The following MINDY2 variants were observed in gnomAD, a reference collection of about 807,000 sequenced individuals.
MINDY2 encodes MINDY lysine 48 deubiquitinase 2.
MINDY2 carries 52 observed loss-of-function variants against 68.2 expected under a neutral mutation model. The ratio of observed to expected loss-of-function variants is 0.76; its 90% confidence interval spans 0.61 to 0.96. The LOEUF (loss-of-function observed/expected upper bound fraction) is 0.96, where lower values mean the gene tolerates loss of function less well. MINDY2 is among the 40% of genes least tolerant of loss of function. MINDY2 has a pLI of 0.00. For missense variants in MINDY2, 881 were observed against 773.4 expected (o/e 1.14, Z -1.65); for synonymous variants, 372 against 303.0 (o/e 1.23, Z -2.36).
At chr15:58,824,565 C>T (rs1343959044) in intron 5 of MINDY2, among the ~76,000 whole-genome samples, 3 of 151,994 alleles carry the variant, frequency 2.0e-5, no homozygotes, top group African/African-American at 7.2e-5. Flanking sequence ...AATTACTTAA[C>T]TCCAATGGTT....
chr15:58,808,074 T>C (rs1420251001), intron 3 of MINDY2, among the ~76,000 whole-genome samples: 1 of 151,874 alleles, frequency 6.6e-6, no homozygotes, highest in African/African-American at 2.4e-5. Flanking sequence ...TCCTTTTCAG[T>C]GCATTCACTG....
intron 6 of MINDY2, among the ~76,000 whole-genome samples, chr15:58,846,946 A>G (rs1300832274): frequency 6.6e-6 from 1 of 152,046 alleles, no homozygotes; most frequent in Non-Finnish European, 1.5e-5. Flanking sequence ...ACATGGTATC[A>G]TTTTTTGTGA....
Position 58,771,768 on chromosome 15 carries a change from A to G in MINDY2, c.373A>G (p.Thr125Ala), listed in dbSNP as rs1900424281. The G allele has an allele frequency of 6.2e-7, 1 of 1,610,574 alleles. No individual in the cohort carries two copies. The highest frequency in any genetic ancestry group is 1.1e-5 in the South Asian group (1 of 90,966). ...GGCCGGAGTGGGTCATGAGTTGGGTACCGCCGGAGACGCGGGAGCCCGCCC... is the reference window on the plus strand; with the variant it reads ...GGCCGGAGTGGGTCATGAGTTGGGTGCCGCCGGAGACGCGGGAGCCCGCCC... ...AVAGVGHELG[T>A]AGDAGARPDL... The change falls in exon 1 of 9, where the codon ACC becomes GCC. Residue 125 changes from threonine to alanine, a missense_variant. Thr to Ala is a moderately conservative substitution (Grantham distance 58, BLOSUM62 0). Coordinates refer to ENST00000559228, the MANE Select transcript of MINDY2 (RefSeq NM_001040450.3).
chr15:58,802,454 C>T, intron 3 of MINDY2, 77 bp downstream of exon 3: 1 of 921,764 alleles, frequency 1.1e-6, no homozygotes, highest in South Asian at 1.7e-5. Flanking sequence ...TAGCTGGCAG[C>T]ATTTTTCTAT....
At chr15:58,780,041 G>GT in intron 1 of MINDY2, among the ~76,000 whole-genome samples, 1 of 152,108 alleles carries the variant, frequency 6.6e-6, no homozygotes, top group Non-Finnish European at 1.5e-5. Flanking sequence ...CATTGTATGT[G>GT]TTTTCTCTTT....
chr15:58,853,719 C>G (rs989642777), intron 8 of MINDY2, among the ~76,000 whole-genome samples: 40 of 149,120 alleles, frequency 2.7e-4, no homozygotes, highest in South Asian at 2.1e-3. Context: ...ACTCGGGAGA[C>G]TTGAGGCAGG....
intron 1 of MINDY2, among the ~76,000 whole-genome samples, chr15:58,778,604 A>T (rs1344367739): frequency 2.0e-5 from 3 of 150,538 alleles, no homozygotes; most frequent in Admixed American, 2.0e-4. Flanking sequence ...TGTTTGCCAG[A>T]TTATATGTCT....
intron 4 of MINDY2, among the ~76,000 whole-genome samples, chr15:58,814,140 A>G (rs1567057722): frequency 6.6e-6 from 1 of 151,868 alleles, no homozygotes; most frequent in South Asian, 2.1e-4. Flanking sequence ...GGGTTTCACC[A>G]TGTTAATCAG....
chr15:58,771,591 T>C lies in MINDY2; in HGVS notation c.196T>C (p.Ser66Pro), dbSNP rs1158259556. 2.5e-6 allele frequency: 4 copies of C among 1,611,780 alleles called. No homozygotes were observed. Among genetic ancestry groups the C allele is most frequent in the Admixed American group, 1.7e-5 (1 of 59,992 alleles). Residue 66 changes from serine to proline, a missense_variant, in exon 1 of 9, where the codon TCG becomes CCG. Transcript: ENST00000559228. ...GGCCGCCAGGAGGAGCCTCCCGGAC[T>C]CGGCTTCTCCCGCGGGCTCTCCTGA... is the stretch of plus-strand genomic sequence containing the variant. ...AAAARRSLPD[S>P]ASPAGSPEVP...
chr15:58,807,853 C>T (rs2029919574), intron 3 of MINDY2, among the ~76,000 whole-genome samples: 1 of 152,130 alleles, frequency 6.6e-6, no homozygotes, highest in African/African-American at 2.4e-5. Flanking sequence ...TCCATGGACA[C>T]AGTAATAAAC....
intron 1 of MINDY2, among the ~76,000 whole-genome samples, chr15:58,777,006 A>G (rs1900814781): frequency 6.6e-6 from 1 of 152,202 alleles, no homozygotes; most frequent in Non-Finnish European, 1.5e-5. Context: ...GACCCGGTGA[A>G]TTTTGTGAGA....
intron 5 of MINDY2, among the ~76,000 whole-genome samples, chr15:58,830,730 A>C (rs1278160570): frequency 7.9e-5 from 12 of 152,172 alleles, no homozygotes; most frequent in African/African-American, 2.9e-4. Context: ...ACCAACAGAA[A>C]GCATAAAAAT....
At position 58,787,971 on chromosome 15, in the gene MINDY2, T is replaced by C. The variant is rs1410248652; in HGVS notation, c.898+8T>C. On this transcript the variant is annotated splice_region_variant and intron_variant, in intron 2 of 8. Coordinates refer to ENST00000559228, the MANE Select transcript of MINDY2 (RefSeq NM_001040450.3). ...AGCTGATGGAATATTTAGGTTAGTG[T>C]TGAAAAGTGGATTTTATATCTCTTT... 1.3e-6 allele frequency: 2 copies of C among 1,567,700 alleles called. No homozygotes were observed. Among genetic ancestry groups the C allele is most frequent in the East Asian group, 2.3e-5 (1 of 43,316 alleles).
At chr15:58,809,342 C>T (rs1209053536) in intron 3 of MINDY2, among the ~76,000 whole-genome samples, 4 of 152,116 alleles carry the variant, frequency 2.6e-5, no homozygotes, top group African/African-American at 9.7e-5. Flanking sequence ...ACTTTTGTGA[C>T]TGGCTTATTT....
intron 5 of MINDY2, among the ~76,000 whole-genome samples, chr15:58,831,055 A>ATATATATG (rs1204574446): frequency 2.1e-5 from 3 of 145,556 alleles, no homozygotes; most frequent in African/African-American, 8.2e-5. Flanking sequence ...ATATATATAT[A>ATATATATG]TATATGTTTT....
intron 7 of MINDY2, among the ~76,000 whole-genome samples, chr15:58,849,326 C>T (rs1405119479): frequency 6.6e-6 from 1 of 151,918 alleles, no homozygotes; most frequent in Non-Finnish European, 1.5e-5. Context: ...CATGGTGAAA[C>T]CCCGTCTTTA....
chr15:58,799,496 A>G (rs1196001204), intron 2 of MINDY2, among the ~76,000 whole-genome samples: 3 of 151,530 alleles, frequency 2.0e-5, no homozygotes, highest in African/African-American at 7.3e-5. Flanking sequence ...GGAGAATGGC[A>G]TGAACCCGGG....
intron 1 of MINDY2, among the ~76,000 whole-genome samples, chr15:58,783,682 C>A (rs1315021276): frequency 1.3e-5 from 2 of 152,136 alleles, no homozygotes; most frequent in African/African-American, 4.8e-5. Context: ...ACCCGTAATC[C>A]CAGCACTTCA....
chr15:58,776,173 G>A (rs1567035398), intron 1 of MINDY2, among the ~76,000 whole-genome samples: 1 of 152,174 alleles, frequency 6.6e-6, no homozygotes, highest in African/African-American at 2.4e-5. Context: ...AAATATGGTA[G>A]TACTACATAG....
Sources: allele counts gnomAD v4.1 joint callset (sites outside exome capture counted in the v4.1 genomes callset), GRCh38; gene constraint gnomAD v4.1.1; transcripts MANE v1.5; gene names NCBI Gene and HGNC (gene_info 2026-07-23, HGNC 2026-07-21).